The following SLC49A4 variants were observed in gnomAD, a reference collection of about 807,000 sequenced individuals.
The protein encoded by SLC49A4 is solute carrier family 49 member 4.
SLC49A4 carries 36 observed loss-of-function variants against 50.6 expected under a neutral mutation model. The observed-to-expected ratio is 0.71, with a 90% CI of 0.55 to 0.94. SLC49A4 has a LOEUF of 0.94. SLC49A4 is among the 40% of genes least tolerant of loss of function. The probability of loss-of-function intolerance (pLI) is 0.00; values close to 1 mark genes in which losing one functional copy is unlikely to be tolerated. For missense variants in SLC49A4, 503 were observed against 605.7 expected, an observed-to-expected ratio of 0.83 and a Z score of 1.78; for synonymous variants, 248 against 241.2, an observed-to-expected ratio of 1.03 and a Z score of -0.26.
chr3:122,855,947 C>G (rs546729845), intron 5 of SLC49A4, among the ~76,000 whole-genome samples: 1 of 152,262 alleles, frequency 6.6e-6, no homozygotes, highest in East Asian at 1.9e-4. Context: ...TTAGTTGTTG[C>G]CCCATGTTTT....
intron 3 of SLC49A4, among the ~76,000 whole-genome samples, chr3:122,827,426 G>T (rs138537302): frequency 1.3e-5 from 2 of 152,158 alleles, no homozygotes; most frequent in African/African-American, 4.8e-5. Context: ...ACATCTATCT[G>T]TTGGTAGGTG....
At chr3:122,803,754 T>G (rs1936169070) in intron 1 of SLC49A4, among the ~76,000 whole-genome samples, 1 of 152,212 alleles carries the variant, frequency 6.6e-6, no homozygotes, top group Admixed American at 6.5e-5. Flanking sequence ...AGCCTGATTC[T>G]TTAGACATCT....
intron 2 of SLC49A4, among the ~76,000 whole-genome samples, chr3:122,821,534 T>G (rs1477874284): frequency 6.6e-6 from 1 of 152,136 alleles, no homozygotes; most frequent in Non-Finnish European, 1.5e-5. Flanking sequence ...GCAAGAGAAA[T>G]GCAGTCCATT....
At chr3:122,838,399 C>G (rs1936720920) in intron 4 of SLC49A4, among the ~76,000 whole-genome samples, 1 of 152,042 alleles carries the variant, frequency 6.6e-6, no homozygotes, top group Non-Finnish European at 1.5e-5. Context: ...AGTTCATGTC[C>G]TTTGTAGGGA....
rs1936535052 is a variant in SLC49A4 at position 122,826,796 on chromosome 3, C to T, written c.438-4C>T. 1 of 1,608,214 alleles carries T rather than the reference C, an allele frequency of 6.2e-7. No individual in the cohort carries two copies. On this transcript the variant is annotated splice_region_variant and splice_polypyrimidine_tract_variant and intron_variant, in intron 2 of 8. Transcript: ENST00000261038. ...CTCACAGCCTTTTAATTTTTAAATTCCAGATTAATTCATGGAGGACAGATG... is the reference window on the plus strand; with the variant it reads ...CTCACAGCCTTTTAATTTTTAAATTTCAGATTAATTCATGGAGGACAGATG...
intron 2 of SLC49A4, among the ~76,000 whole-genome samples, chr3:122,817,123 A>G (rs763900849): frequency 2.2e-4 from 33 of 152,214 alleles, no homozygotes; most frequent in Non-Finnish European, 3.2e-4. Context: ...CTGAGAAACA[A>G]TATATGGGGG....
rs746481411 is a variant in SLC49A4, at chr3:122,795,396, C to G, written c.204C>G (p.Val68=). 3.1e-6 allele frequency: 5 copies of G among 1,606,776 alleles called. No homozygotes were observed. The South Asian group carries it at 4.4e-5, about 14-fold the overall frequency. ...TGCTGGCGTTCGTTCAGGGCCTGGT[C>G]TGGAACACCTGGGGTCCCATCCAGA... The part of the protein sequence containing the change: ...FSLLAFVQGL[V]WNTWGPIQNS... Residue 68 remains valine (V), a synonymous_variant, in exon 1 of 9, where the codon GTC becomes GTG. Transcript: ENST00000261038.
At chr3:122,855,251 T>G (rs1936972238) in intron 5 of SLC49A4, among the ~76,000 whole-genome samples, 1 of 152,186 alleles carries the variant, frequency 6.6e-6, no homozygotes, top group Non-Finnish European at 1.5e-5. Flanking sequence ...GGACACGGAA[T>G]GCTTAGGATA....
chr3:122,838,630 A>G (rs1479781764), intron 4 of SLC49A4, among the ~76,000 whole-genome samples: 1 of 152,154 alleles, frequency 6.6e-6, no homozygotes, highest in East Asian at 1.9e-4. Context: ...TGGGTGCAGC[A>G]CACCAACATG....
intron 5 of SLC49A4, among the ~76,000 whole-genome samples, chr3:122,846,738 T>C (rs1238232605): frequency 2.0e-5 from 3 of 152,262 alleles, no homozygotes; most frequent in Non-Finnish European, 4.4e-5. Flanking sequence ...TGTGCAGTTG[T>C]ATGCCATCAT....
intron 5 of SLC49A4, among the ~76,000 whole-genome samples, chr3:122,846,395 AT>A: frequency 6.6e-6 from 1 of 152,142 alleles, no homozygotes; most frequent in Non-Finnish European, 1.5e-5. Flanking sequence ...CTGCTGTGAT[AT>A]TCTATTGTAT....
chr3:122,823,722 A>G (rs544822318), intron 2 of SLC49A4, among the ~76,000 whole-genome samples: 1 of 152,358 alleles, frequency 6.6e-6, no homozygotes, highest in Admixed American at 6.5e-5. Context: ...ATATTTTTCC[A>G]GAAAAAATGT....
chr3:122,866,423 A>C (rs1045593099), intron 7 of SLC49A4, among the ~76,000 whole-genome samples: 3 of 152,134 alleles, frequency 2.0e-5, no homozygotes, highest in African/African-American at 7.2e-5. Context: ...AATGAACTTT[A>C]GGCATCATCT....
chr3:122,835,883 T>C (rs1353455200), intron 4 of SLC49A4, among the ~76,000 whole-genome samples: 2 of 152,140 alleles, frequency 1.3e-5, no homozygotes, highest in Non-Finnish European at 2.9e-5. Context: ...GACTCCTAGA[T>C]TTGATAAATG....
In SLC49A4 at chr3:122,878,633, G is replaced by T. The variant is rs144157858; in HGVS notation, c.1322-630G>T. ...ATGCCTATAGGTTTTCCAATAATTG[G>T]CATCATATATAACCATTCATGCTGG... On this transcript the variant is annotated intron_variant, in intron 8 of 8. Transcript: ENST00000261038. Among the ~76,000 whole-genome samples the T allele has an allele frequency of 7.7e-4, 117 of 152,212 alleles. 1 individual carries two copies. The highest frequency in any genetic ancestry group is 2.8e-3 in the African/African-American group (116 of 41,516).
chr3:122,822,225 G>A (rs747786607), intron 2 of SLC49A4, among the ~76,000 whole-genome samples: 21 of 152,136 alleles, frequency 1.4e-4, no homozygotes, highest in Non-Finnish European at 3.1e-4. Flanking sequence ...GTTTTTCTTT[G>A]TCGTTTTTAA....
chr3:122,826,668 T>A (rs1233568120), intron 2 of SLC49A4, 132 bp from the exon 3 acceptor site: 2 of 860,958 alleles, frequency 2.3e-6, no homozygotes, highest in Non-Finnish European at 3.6e-6. Context: ...ACATGTCTTT[T>A]AGGCATGTCA....
At chr3:122,872,665 A>G (rs1937210919) in intron 8 of SLC49A4, 68 bp downstream of exon 8, 1 of 1,160,668 alleles carries the variant, frequency 8.6e-7, no homozygotes, top group Non-Finnish European at 1.2e-6. Flanking sequence ...ACTAGTGTAT[A>G]GAAGTTTTTA....
At chr3:122,863,330 A>G (rs542521680) in intron 7 of SLC49A4, among the ~76,000 whole-genome samples, 1 of 152,350 alleles carries the variant, frequency 6.6e-6, no homozygotes, top group East Asian at 1.9e-4. Flanking sequence ...GCCAACTCCC[A>G]CTGTGGAACC....
Sources: gnomAD v4.1 joint callset for allele counts (sites outside exome capture counted in the v4.1 genomes callset) on GRCh38, gnomAD v4.1.1 for gene constraint, MANE v1.5 for transcripts, NCBI Gene and HGNC (gene_info 2026-07-23, HGNC 2026-07-21) for gene names.